Variants in LRP12 observed in about 807,000 individuals in gnomAD.
The protein encoded by LRP12 is low-density lipoprotein receptor-related protein 12.
In LRP12, 14 loss-of-function variants were observed where a neutral mutation model predicts 66.0. That is an observed-to-expected ratio of 0.21 (90% confidence interval 0.14 to 0.33). The LOEUF is 0.33. LRP12 is among the 10% of genes least tolerant of loss of function. The pLI, the probability that LRP12 is intolerant of heterozygous loss-of-function variation, is 1.00. For missense variants in LRP12, 889 were observed against 1,053.4 expected (o/e 0.84, Z 2.16); for synonymous variants, 357 against 359.1 (o/e 0.99, Z 0.07).
At chr8:104,518,683 A>G (rs755243481) in intron 2 of LRP12, among the ~76,000 whole-genome samples, 10 of 152,134 alleles carry the variant, frequency 6.6e-5, no homozygotes, top group Non-Finnish European at 1.3e-4. Context: ...TCTAAGAACT[A>G]CAGGCAGAAC....
At chr8:104,546,106 C>T (rs1460494196) in intron 1 of LRP12, among the ~76,000 whole-genome samples, 4 of 152,030 alleles carry the variant, frequency 2.6e-5, no homozygotes, top group Admixed American at 1.3e-4. Context: ...CACTGTGGGG[C>T]TTGTAACTGG....
intron 1 of LRP12, among the ~76,000 whole-genome samples, chr8:104,557,871 T>C (rs1811836776): frequency 1.3e-5 from 2 of 152,166 alleles, no homozygotes; most frequent in Admixed American, 6.5e-5. Flanking sequence ...CTTCAAACTA[T>C]ACTGTAAGGC....
At chr8:104,496,818 G>A (rs918019530) in intron 5 of LRP12, among the ~76,000 whole-genome samples, 154 bp downstream of exon 5, 1 of 151,962 alleles carries the variant, frequency 6.6e-6, no homozygotes, top group Non-Finnish European at 1.5e-5. Flanking sequence ...TCTGAGTCTC[G>A]GGTTTTTCAC....
At chr8:104,551,764 T>C (rs955571695) in intron 1 of LRP12, among the ~76,000 whole-genome samples, 4 of 152,190 alleles carry the variant, frequency 2.6e-5, no homozygotes, top group East Asian at 1.9e-4. Flanking sequence ...ACACTAAATG[T>C]TGACTACCTC....
rs1810603144 is a variant in LRP12 at position 104,490,591 on chromosome 8, A to T, written c.*82T>A. On this transcript the variant is annotated 3_prime_UTR_variant, in exon 7 of 7. Transcript: ENST00000276654. ...CCCTGCATTTTTTCTTTTTAAACTA[A>T]AACTAGTTTAACTGTAAAGTTACAA... The T allele has an allele frequency of 6.8e-7, 1 of 1,461,484 alleles. No individual in the cohort carries two copies. The highest frequency in any genetic ancestry group is 2.3e-5 in the East Asian group (1 of 43,716). 90.5% of individuals were successfully genotyped at this position (1,461,484 alleles called of 1,614,324 possible).
intron 1 of LRP12, among the ~76,000 whole-genome samples, chr8:104,535,095 C>T (rs904686072): frequency 6.6e-6 from 1 of 150,628 alleles, no homozygotes; most frequent in African/African-American, 2.4e-5. Flanking sequence ...ATGTAATGAA[C>T]CAGTTAAGTA....
At chr8:104,494,381 T>C (rs935906330) in intron 6 of LRP12, among the ~76,000 whole-genome samples, 6 of 152,282 alleles carry the variant, frequency 3.9e-5, no homozygotes, top group African/African-American at 7.2e-5. Flanking sequence ...AAAAAGGAGA[T>C]GGTATTCTAT....
At chr8:104,564,484 C>G (rs1358828892) in intron 1 of LRP12, among the ~76,000 whole-genome samples, 1 of 152,092 alleles carries the variant, frequency 6.6e-6, no homozygotes, top group Non-Finnish European at 1.5e-5. Flanking sequence ...AGGGGCATTA[C>G]TTTCTGAGGA....
intron 1 of LRP12, among the ~76,000 whole-genome samples, chr8:104,559,893 T>C (rs1301674852): frequency 2.0e-5 from 3 of 152,196 alleles, no homozygotes; most frequent in East Asian, 3.9e-4. Flanking sequence ...CATGTATCTG[T>C]TGCTATACTA....
intron 1 of LRP12, among the ~76,000 whole-genome samples, chr8:104,535,931 G>T (rs1326066840): frequency 6.6e-6 from 1 of 151,962 alleles, no homozygotes; most frequent in African/African-American, 2.4e-5. Flanking sequence ...CAATTTGAAA[G>T]AAAAACATTG....
At chr8:104,548,194 A>ATATAAATATATGATATATTTATATT (rs561640568) in intron 1 of LRP12, among the ~76,000 whole-genome samples, 1 of 79,648 alleles carries the variant, frequency 1.3e-5, no homozygotes, top group Non-Finnish European at 2.2e-5. Context: ...ATATATATAT[A>ATATAAATATATGATATATTTATATT]AATATATGAT....
chr8:104,575,998 A>G (rs1054709907), intron 1 of LRP12, among the ~76,000 whole-genome samples: 1 of 152,156 alleles, frequency 6.6e-6, no homozygotes, highest in Admixed American at 6.5e-5. Flanking sequence ...ATAGCAGAAC[A>G]GACCAAGCAG....
chr8:104,496,506 C>G (rs1810729841), intron 5 of LRP12, among the ~76,000 whole-genome samples: 1 of 152,234 alleles, frequency 6.6e-6, no homozygotes, highest in Non-Finnish European at 1.5e-5. Context: ...TGTTTCATAG[C>G]TCTTTATAGT....
At chr8:104,491,600 A>AAAAC in intron 6 of LRP12, 61 bp from the exon 7 acceptor site, 1 of 1,316,234 alleles carries the variant, frequency 7.6e-7, no homozygotes, top group Middle Eastern at 1.9e-4. Context: ...TAAAAAAAAA[A>AAAAC]AAAAACACCC....
intron 3 of LRP12, 106 bp downstream of exon 3, chr8:104,508,833 C>CCTTT: frequency 2.9e-6 from 3 of 1,019,100 alleles, no homozygotes; most frequent in Non-Finnish European, 4.2e-6. Context: ...TATTACATCT[C>CCTTT]CTGAAAAGCC....
At chr8:104,549,025 A>G (rs1811685920) in intron 1 of LRP12, among the ~76,000 whole-genome samples, 1 of 152,072 alleles carries the variant, frequency 6.6e-6, no homozygotes, top group African/African-American at 2.4e-5. Flanking sequence ...GTCTAAGGTC[A>G]CTCTGGATCC....
chr8:104,542,994 A>AATATATATATATATATATATATAT (rs149279085), intron 1 of LRP12, among the ~76,000 whole-genome samples: 91 of 144,112 alleles, frequency 6.3e-4, no homozygotes, highest in African/African-American at 2.1e-3. Context: ...AACACACACA[A>AATATATATATATATATATATATAT]ATATATATAT....
Position 104,496,468 on chromosome 8 carries a change from A to T in LRP12, c.1580+504T>A, listed in dbSNP as rs556449395. ...CCTTTCTGCCTCTCTCCCTCATTAGATTACGTATTTTTGACTTTATACCAT... is the reference window on the plus strand; with the variant it reads ...CCTTTCTGCCTCTCTCCCTCATTAGTTTACGTATTTTTGACTTTATACCAT... On this transcript the variant is annotated intron_variant, in intron 5 of 6. Transcript: ENST00000276654. Among the ~76,000 whole-genome samples the T allele has an allele frequency of 1.3e-4, 20 of 152,146 alleles. No individual in the cohort carries two copies. The South Asian group carries it at 1.7e-3, about 13-fold the overall frequency.
At chr8:104,520,035 A>C (rs990283429) in intron 2 of LRP12, among the ~76,000 whole-genome samples, 4 of 151,698 alleles carry the variant, frequency 2.6e-5, no homozygotes, top group African/African-American at 9.7e-5. Flanking sequence ...GAAGAGGCAA[A>C]AATATAAAGA....
Sources: allele counts gnomAD v4.1 joint callset (sites outside exome capture counted in the v4.1 genomes callset), GRCh38; gene constraint gnomAD v4.1.1; transcripts MANE v1.5; gene names NCBI Gene and HGNC (gene_info 2026-07-23, HGNC 2026-07-21).